The following KCNS3 variants were observed in gnomAD, a reference collection of about 807,000 sequenced individuals.
KCNS3 encodes the protein potassium voltage-gated channel modifier subfamily S member 3, also known as delayed-rectifier potassium channel regulatory subunit KCNS3.
In KCNS3, 13 loss-of-function variants were observed where a neutral mutation model predicts 31.0. The ratio of observed to expected loss-of-function variants is 0.42; its 90% CI spans 0.27 to 0.67. The LOEUF is 0.67. Among genes scored for constraint, KCNS3 ranks in the 30% least tolerant of loss-of-function variants. KCNS3 has a pLI of 0.25. For missense variants in KCNS3, 545 were observed against 622.4 expected (o/e 0.88, Z 1.32); for synonymous variants, 238 against 241.5 (o/e 0.99, Z 0.13).
chr2:17,888,629 GTATATA>G (rs70964021), intron 1 of KCNS3, among the ~76,000 whole-genome samples: 2,792 of 92,204 alleles, frequency 0.03, 73 homozygotes, highest in Middle Eastern at 0.055. Flanking sequence ...TAAAAAAAAT[GTATATA>G]TATATATATA....
At chr2:17,922,282 G>A (rs1662736101) in intron 2 of KCNS3, among the ~76,000 whole-genome samples, 1 of 151,688 alleles carries the variant, frequency 6.6e-6, no homozygotes, top group Admixed American at 6.6e-5. Context: ...TCATTGCCTA[G>A]ATCTATTATT....
At chr2:17,878,164 T>C (rs1401669741), upstream of KCNS3, 1 of 152,236 alleles carries the variant, frequency 6.6e-6, no homozygotes, top group Admixed American at 6.5e-5. Flanking sequence ...CTTCGCACTT[T>C]GTTTTAAAAC....
intron 1 of KCNS3, among the ~76,000 whole-genome samples, chr2:17,883,954 T>C (rs1028194320): frequency 2.6e-5 from 4 of 151,702 alleles, no homozygotes; most frequent in African/African-American, 7.3e-5. Flanking sequence ...ATGTCCTTTG[T>C]AGGGACATAG....
chr2:17,888,641 A>G (rs200376931), intron 1 of KCNS3, among the ~76,000 whole-genome samples: 2,800 of 73,170 alleles, frequency 0.038, 120 homozygotes, highest in Non-Finnish European at 0.058. Context: ...ATATATATAT[A>G]TATATATATA....
chr2:17,888,513 T>C (rs1440018158), intron 1 of KCNS3, among the ~76,000 whole-genome samples: 2 of 150,976 alleles, frequency 1.3e-5, no homozygotes, highest in East Asian at 3.9e-4. Flanking sequence ...GAGATATACC[T>C]AATGTAAATG....
At chr2:17,921,931 A>G (rs1056092989) in intron 2 of KCNS3, among the ~76,000 whole-genome samples, 4 of 76,536 alleles carry the variant, frequency 5.2e-5, no homozygotes, top group African/African-American at 1.5e-4. Flanking sequence ...ATATATATAT[A>G]TATATATATA....
At chr2:17,930,402 G>C (rs1330452284) in intron 2 of KCNS3, among the ~76,000 whole-genome samples, 1 of 152,154 alleles carries the variant, frequency 6.6e-6, no homozygotes, top group African/African-American at 2.4e-5. Flanking sequence ...TCTTAAAGGA[G>C]TAAAACATTG....
chr2:17,931,345 A>G lies in KCNS3; in HGVS notation c.337A>G (p.Ile113Val). Residue 113 changes from isoleucine (I) to valine (V), a missense_variant, in exon 3 of 3, where the codon ATT (isoleucine) becomes GTT (valine). Transcript: ENST00000304101. This position sits in a 1 kb window ranked among gnomAD's most constrained non-coding sequence, Gnocchi z 5.4. ...IEYWGINELF[I>V]DSCCSNRYQE... ...GTACTGGGGCATCAACGAGCTCTTC[A>G]TTGATTCTTGCTGCAGCAATCGCTA... 1 of 1,614,154 alleles carries G rather than the reference A, an allele frequency of 6.2e-7. No individual in the cohort carries two copies. The highest frequency in any genetic ancestry group is 8.5e-7 in the Non-Finnish European group (1 of 1,180,024).
chr2:17,904,269 G>A (rs1662259767), intron 1 of KCNS3, among the ~76,000 whole-genome samples: 2 of 152,040 alleles, frequency 1.3e-5, no homozygotes, highest in South Asian at 2.1e-4. Context: ...TTTGAGAAGT[G>A]TCTGTTCATA....
intron 1 of KCNS3, among the ~76,000 whole-genome samples, chr2:17,884,247 A>T (rs1674708186): frequency 9.3e-6 from 1 of 107,288 alleles, no homozygotes; most frequent in Non-Finnish European, 1.8e-5. Flanking sequence ...CTAGAACTTA[A>T]AGTATAATTA....
chr2:17,900,700 G>A (rs1353415587), intron 1 of KCNS3, among the ~76,000 whole-genome samples: 1 of 152,020 alleles, frequency 6.6e-6, no homozygotes, highest in South Asian at 2.1e-4. Context: ...ATGTTGGCCA[G>A]GCTGGTTTCG....
chr2:17,913,074 A>AT (rs771491934), intron 1 of KCNS3, among the ~76,000 whole-genome samples: 34 of 152,054 alleles, frequency 2.2e-4, no homozygotes, highest in Non-Finnish European at 3.4e-4. Context: ...ATATCAGTAC[A>AT]TTTTTTTTCT....
intron 1 of KCNS3, among the ~76,000 whole-genome samples, chr2:17,897,046 A>G (rs955801118): frequency 1.1e-4 from 16 of 149,448 alleles, no homozygotes; most frequent in Middle Eastern, 3.4e-3. Context: ...CCCCCTTGCT[A>G]CCTCCCCCAT....
intron 1 of KCNS3, among the ~76,000 whole-genome samples, chr2:17,879,653 G>A (rs1336584172): frequency 6.6e-6 from 1 of 152,172 alleles, no homozygotes; most frequent in Non-Finnish European, 1.5e-5. Context: ...GGCGCCTTTC[G>A]CATTGCAGGG....
chr2:17,917,182 G>A (rs1435622386), intron 1 of KCNS3, among the ~76,000 whole-genome samples: 2 of 152,150 alleles, frequency 1.3e-5, no homozygotes, highest in East Asian at 1.9e-4. Context: ...GGCAAATAAA[G>A]CAAAATTGAA....
At position 17,881,649 on chromosome 2, in the gene KCNS3, G is replaced by A. The variant is rs192899782; in HGVS notation, c.-252+2843G>A. 3.5e-3 allele frequency among the ~76,000 whole-genome samples: 536 copies of A among 152,344 alleles called. 6 individuals are homozygous for A. The highest frequency in any genetic ancestry group is 0.013 in the African/African-American group (525 of 41,566). On this transcript the variant is annotated intron_variant, in intron 1 of 2. Coordinates refer to ENST00000304101, the MANE Select transcript of KCNS3 (RefSeq NM_002252.5). ...AACTTGTACAAGGTCACCCAGCCCGGAAAAGGTGAAGCTAGGATTCTATCC... is the reference window on the plus strand; with the variant it reads ...AACTTGTACAAGGTCACCCAGCCCGAAAAAGGTGAAGCTAGGATTCTATCC...
chr2:17,899,218 C>G (rs78655405), intron 1 of KCNS3, among the ~76,000 whole-genome samples: 8,631 of 152,064 alleles, frequency 0.057, 618 homozygotes, highest in African/African-American at 0.17. Context: ...GAGTGAGACT[C>G]TGTCTCAAAA....
chr2:17,879,508 G>C (rs1200130623), intron 1 of KCNS3: 1 of 151,818 alleles, frequency 6.6e-6, no homozygotes, highest in East Asian at 2.0e-4. Context: ...TGGCAGTGGT[G>C]GGGAAGGGTC....
intron 1 of KCNS3, among the ~76,000 whole-genome samples, chr2:17,910,270 G>C (rs1339709878): frequency 2.0e-5 from 3 of 152,180 alleles, no homozygotes; most frequent in Non-Finnish European, 4.4e-5. Flanking sequence ...AACTCTGATA[G>C]GATATGAAGC....
Sources: gnomAD v4.1 joint callset for allele counts (sites outside exome capture counted in the v4.1 genomes callset) on GRCh38, gnomAD v4.1.1 for gene constraint, Gnocchi (gnomAD v3.1) non-coding constraint, MANE v1.5 for transcripts, NCBI Gene and HGNC (gene_info 2026-07-23, HGNC 2026-07-21) for gene names.